Variants in HNRNPC observed in about 807,000 individuals in gnomAD.
HNRNPC encodes heterogeneous nuclear ribonucleoproteins C1/C2.
HNRNPC carries 3 observed loss-of-function variants against 33.2 expected under a neutral mutation model. That is an observed-to-expected ratio of 0.09 (90% CI 0.04 to 0.23). HNRNPC has a LOEUF of 0.23. Ranked by LOEUF, HNRNPC falls within the 10% of genes least tolerant of loss-of-function variation. The pLI, the probability that HNRNPC is intolerant of heterozygous loss-of-function variation, is 1.00. For missense variants in HNRNPC, 143 were observed against 366.7 expected, an observed-to-expected ratio of 0.39 and a Z score of 4.98; for synonymous variants, 121 against 126.7, an observed-to-expected ratio of 0.96 and a Z score of 0.30.
intron 5 of HNRNPC, among the ~76,000 whole-genome samples, chr14:21,222,727 C>A (rs1278334975): frequency 1.3e-5 from 2 of 151,814 alleles, no homozygotes; most frequent in African/African-American, 2.4e-5. Flanking sequence ...TGCGTCTCTA[C>A]TAAAAATAAC....
rs575703823 is a variant in HNRNPC, at chr14:21,245,154, T to C, written c.-36-10925A>G. 2.3e-4 allele frequency among the ~76,000 whole-genome samples: 35 copies of C among 150,996 alleles called. No homozygotes were observed. The South Asian group carries it at 6.7e-3, about 29-fold the overall frequency. On this transcript the variant is annotated intron_variant, in intron 2 of 8. Coordinates refer to ENST00000553300, the MANE Select transcript of HNRNPC (RefSeq NM_004500.4). ...AGTCTAAGTTCTAACACAATATTAT[T>C]TGTGTACTTCAAAAAAGAAAAGGTA... is the stretch of plus-strand genomic sequence containing the variant.
chr14:21,260,426 ATAAATT>A (rs1305518103), intron 2 of HNRNPC, among the ~76,000 whole-genome samples: 13 of 151,448 alleles, frequency 8.6e-5, no homozygotes, highest in African/African-American at 2.4e-4. Flanking sequence ...GAATAAATTT[ATAAATT>A]TAAAGTTATA....
chr14:21,211,922 C>T lies in HNRNPC; in HGVS notation c.525G>A (p.Leu175=). The part of the protein sequence containing the change: ...GQRGSSKSGK[L]KGDDLQAIKK... ...TAATGGCCTGAAGGTCATCTCCTTTCACTTTAATATAAACAAAATACTAGA... is the reference window on the plus strand; with the variant it reads ...TAATGGCCTGAAGGTCATCTCCTTTTACTTTAATATAAACAAAATACTAGA... Residue 175 remains leucine (L), a splice_region_variant and synonymous_variant, in exon 7 of 9, where the codon TTG becomes TTA. Transcript: ENST00000553300. The T allele has an allele frequency of 6.2e-7, 1 of 1,603,826 alleles. No individual in the cohort carries two copies. The highest frequency in any genetic ancestry group is 1.1e-5 in the South Asian group (1 of 90,808).
At chr14:21,268,131 C>T (rs1490236284) in intron 1 of HNRNPC, among the ~76,000 whole-genome samples, 1 of 152,102 alleles carries the variant, frequency 6.6e-6, no homozygotes, top group Non-Finnish European at 1.5e-5. Flanking sequence ...TTAAAAAAAG[C>T]GATGTCCCAG....
chr14:21,252,092 A>G (rs1896739463), intron 2 of HNRNPC, among the ~76,000 whole-genome samples: 1 of 152,228 alleles, frequency 6.6e-6, no homozygotes, highest in Non-Finnish European at 1.5e-5. Flanking sequence ...TTTTATCACC[A>G]ATGAGTATAA....
chr14:21,223,546 CA>C (rs1385682004), intron 5 of HNRNPC, among the ~76,000 whole-genome samples: 2 of 152,052 alleles, frequency 1.3e-5, no homozygotes, highest in East Asian at 3.9e-4. Context: ...CTCAGGAGTT[CA>C]AGATGAGCCT....
chr14:21,219,916 C>T (rs550783267), intron 5 of HNRNPC, among the ~76,000 whole-genome samples: 17 of 152,176 alleles, frequency 1.1e-4, no homozygotes, highest in African/African-American at 4.1e-4. Flanking sequence ...CAGACAAAAA[C>T]GCTGGCCACA....
At chr14:21,266,628 A>C (rs1290316739) in intron 1 of HNRNPC, among the ~76,000 whole-genome samples, 1 of 149,842 alleles carries the variant, frequency 6.7e-6, no homozygotes, top group East Asian at 1.9e-4. Context: ...TCTGGTTCTC[A>C]CCAATCCTCT....
chr14:21,244,567 ACT>A (rs892923498), intron 2 of HNRNPC, among the ~76,000 whole-genome samples: 6 of 152,128 alleles, frequency 3.9e-5, no homozygotes, highest in Admixed American at 3.9e-4. Context: ...ATCATAGTTG[ACT>A]CTTTAATTCT....
chr14:21,234,614 A>G (rs1473474133), intron 2 of HNRNPC, among the ~76,000 whole-genome samples: 1 of 152,140 alleles, frequency 6.6e-6, no homozygotes, highest in Non-Finnish European at 1.5e-5. Context: ...TTCACATTAC[A>G]GGTCATGCTA....
chr14:21,211,334 G>C (rs767624643), intron 8 of HNRNPC, 28 bp from the exon 9 acceptor site: 1 of 1,613,508 alleles, frequency 6.2e-7, no homozygotes, highest in Admixed American at 1.7e-5. Context: ...AAACAGGATG[G>C]AGTTAGAGGC....
intron 5 of HNRNPC, among the ~76,000 whole-genome samples, chr14:21,217,447 AAG>A (rs1238197758): frequency 4.6e-5 from 7 of 152,242 alleles, no homozygotes; most frequent in Non-Finnish European, 8.8e-5. Context: ...GGAGCTATAC[AAG>A]GTATTCACCA....
chr14:21,238,413 A>G (rs1359967512), intron 2 of HNRNPC, among the ~76,000 whole-genome samples: 1 of 152,194 alleles, frequency 6.6e-6, no homozygotes, highest in African/African-American at 2.4e-5. Flanking sequence ...AAATATCTTA[A>G]AATGTTCTGT....
intron 3 of HNRNPC, 112 bp from the exon 4 acceptor site, chr14:21,231,184 G>GA (rs1270171354): frequency 9.8e-7 from 1 of 1,019,658 alleles, no homozygotes; most frequent in Non-Finnish European, 1.5e-6. Flanking sequence ...GCTCAGGCTG[G>GA]AGTGCAGTGG....
At chr14:21,238,310 CA>C (rs993089282) in intron 2 of HNRNPC, among the ~76,000 whole-genome samples, 5 of 151,926 alleles carry the variant, frequency 3.3e-5, no homozygotes, top group South Asian at 4.1e-4. Flanking sequence ...TAATTTGAGT[CA>C]AAAAAATAGT....
At chr14:21,243,390 C>T (rs1051785495) in intron 2 of HNRNPC, among the ~76,000 whole-genome samples, 10 of 151,998 alleles carry the variant, frequency 6.6e-5, no homozygotes, top group Non-Finnish European at 1.0e-4. Flanking sequence ...AGTTGCTATC[C>T]GAAGAGTGGG....
intron 1 of HNRNPC, chr14:21,265,354 G>C (rs1878802180): frequency 6.6e-6 from 1 of 152,072 alleles, no homozygotes; most frequent in African/African-American, 2.4e-5. Context: ...CCTTTGTACA[G>C]GTGCCACAAG....
At chr14:21,248,739 T>C (rs1896280292) in intron 2 of HNRNPC, among the ~76,000 whole-genome samples, 1 of 152,228 alleles carries the variant, frequency 6.6e-6, no homozygotes, top group African/African-American at 2.4e-5. Flanking sequence ...CAGTGTCTAC[T>C]GCAAGCAATG....
intron 2 of HNRNPC, among the ~76,000 whole-genome samples, 180 bp from the exon 3 acceptor site, chr14:21,234,409 T>C (rs1468292074): frequency 1.2e-4 from 18 of 152,190 alleles, no homozygotes; most frequent in Admixed American, 1.2e-3. Flanking sequence ...CCTCTGAATA[T>C]ACTCTAGAAA....
Sources: allele counts gnomAD v4.1 joint callset (sites outside exome capture counted in the v4.1 genomes callset), GRCh38; gene constraint gnomAD v4.1.1; transcripts MANE v1.5; gene names NCBI Gene and HGNC (gene_info 2026-07-23, HGNC 2026-07-21).